USP34: variants seen among roughly 807,000 people sequenced by gnomAD.
The protein encoded by USP34 is ubiquitin carboxyl-terminal hydrolase 34.
A neutral mutation model predicts 460.3 loss-of-function variants in USP34; 70 were observed. The observed-to-expected ratio is 0.15, with a 90% confidence interval of 0.13 to 0.19. The LOEUF is 0.19. Among genes scored for constraint, USP34 ranks in the 10% least tolerant of loss-of-function variants. The pLI is 1.00. For synonymous variants in USP34, 1,647 were observed against 1,405.3 expected (o/e 1.17, Z -3.85); for missense variants, 3,985 against 4,236.2 (o/e 0.94, Z 1.65).
intron 27 of USP34, among the ~76,000 whole-genome samples, chr2:61,307,526 A>T (rs1355864848): frequency 6.6e-6 from 1 of 152,136 alleles, no homozygotes; most frequent in Non-Finnish European, 1.5e-5. Flanking sequence ...CCTTTTTAAT[A>T]AATAAGAGTT....
At chr2:61,273,411 A>C (rs1450191343) in intron 41 of USP34, among the ~76,000 whole-genome samples, 1 of 152,216 alleles carries the variant, frequency 6.6e-6, no homozygotes, top group African/African-American at 2.4e-5. Flanking sequence ...TACTGAAAAG[A>C]AATAATAATG....
chr2:61,222,531 T>C (rs1407756172), intron 65 of USP34, 88 bp downstream of exon 65: 2 of 1,049,018 alleles, frequency 1.9e-6, no homozygotes, highest in East Asian at 2.5e-5. Context: ...CCTGATAAAT[T>C]TGTTCTCGAG....
At chr2:61,346,796 C>T (rs1001579729) in intron 15 of USP34, among the ~76,000 whole-genome samples, 4 of 138,464 alleles carry the variant, frequency 2.9e-5, no homozygotes, top group African/African-American at 1.1e-4. Flanking sequence ...TGTGCCACTG[C>T]ACTCCAGCCT....
intron 5 of USP34, among the ~76,000 whole-genome samples, chr2:61,390,862 T>TG (rs756165646): frequency 1.1e-4 from 16 of 150,164 alleles, no homozygotes; most frequent in Non-Finnish European, 1.8e-4. Context: ...TCTGGGAGGC[T>TG]GAGGTGGGGG....
intron 43 of USP34, among the ~76,000 whole-genome samples, chr2:61,260,586 G>C (rs1406371020): frequency 6.6e-6 from 1 of 152,068 alleles, no homozygotes; most frequent in Admixed American, 6.6e-5. Context: ...TTGAAGTCAA[G>C]ATATGGACTA....
chr2:61,235,681 G>C (rs1371307478), intron 57 of USP34, among the ~76,000 whole-genome samples, 164 bp downstream of exon 57: 1 of 151,860 alleles, frequency 6.6e-6, no homozygotes, highest in Non-Finnish European at 1.5e-5. Context: ...TAATGGATGT[G>C]ATATATAAAT....
chr2:61,219,747 C>CT (rs1439467746), intron 67 of USP34, among the ~76,000 whole-genome samples: 2 of 151,488 alleles, frequency 1.3e-5, no homozygotes, highest in Non-Finnish European at 2.9e-5. Flanking sequence ...ACTGTAGGGC[C>CT]TTCTCAGCAA....
chr2:61,373,362 G>A (rs1046670385), intron 8 of USP34, among the ~76,000 whole-genome samples: 3 of 150,916 alleles, frequency 2.0e-5, no homozygotes, highest in Non-Finnish European at 4.4e-5. Flanking sequence ...GAGATTATAT[G>A]ACTAGTTTTT....
chr2:61,231,228 G>A (rs919984997), intron 58 of USP34, among the ~76,000 whole-genome samples: 3 of 151,952 alleles, frequency 2.0e-5, no homozygotes, highest in Non-Finnish European at 4.4e-5. Context: ...GTAGTTGTCA[G>A]GTATTGAGGA....
Position 61,380,099 on chromosome 2 carries a change from T to G in USP34, c.1014+70A>C. Reference sequence around the variant, plus strand: ...TGCCTAGTATGAAGTGCTCCATAAATAGTGGGTAGTATTATGATAGACCAG... The same window carrying G: ...TGCCTAGTATGAAGTGCTCCATAAAGAGTGGGTAGTATTATGATAGACCAG... On this transcript the variant is annotated intron_variant, in intron 7 of 79. Transcript: ENST00000398571. 4 of 1,371,522 alleles carry G rather than the reference T, an allele frequency of 2.9e-6. No individual in the cohort carries two copies. In the Admixed American group the frequency reaches 8.5e-5, roughly 29 times the overall value. The allele number at this position is 1,371,522 out of a possible 1,614,324, so 85.0% of individuals were successfully genotyped here. A position where few individuals can be genotyped will look rare whatever the true frequency, so the allele number is the denominator to read the frequency against.
chr2:61,241,381 C>T (rs116295848), intron 53 of USP34, among the ~76,000 whole-genome samples, 179 bp downstream of exon 53: 1,564 of 152,208 alleles, frequency 0.01, 29 homozygotes, highest in African/African-American at 0.036. Context: ...TCCATTTAAT[C>T]TCATTCATTT....
At chr2:61,396,988 A>G (rs1693550294) in intron 3 of USP34, among the ~76,000 whole-genome samples, 1 of 152,238 alleles carries the variant, frequency 6.6e-6, no homozygotes, top group Non-Finnish European at 1.5e-5. Flanking sequence ...ACATACAGAC[A>G]AAACACCTGT....
At chr2:61,418,991 A>C (rs1235501508) in intron 2 of USP34, among the ~76,000 whole-genome samples, 1 of 149,466 alleles carries the variant, frequency 6.7e-6, no homozygotes, top group Non-Finnish European at 1.5e-5. Context: ...ATATGTGTTT[A>C]TTAAGTCCTT....
intron 1 of USP34, among the ~76,000 whole-genome samples, chr2:61,432,744 AAAC>A (rs1470885098): frequency 1.3e-5 from 2 of 152,134 alleles, no homozygotes; most frequent in African/African-American, 4.8e-5. Context: ...GTGAAAAAAA[AAAC>A]TACCCATGAG....
In USP34 at chr2:61,281,078, G is replaced by T. The variant is rs1254766954; in HGVS notation, c.5151+12C>A. 1 of 1,611,760 alleles carries T rather than the reference G, an allele frequency of 6.2e-7. No homozygotes were observed. The highest frequency in any genetic ancestry group is 8.5e-7 in the Non-Finnish European group (1 of 1,178,806). On this transcript the variant is annotated intron_variant, in intron 38 of 79. Coordinates refer to ENST00000398571, the MANE Select transcript of USP34 (RefSeq NM_014709.4). ...AAAATAGAAACTGCTTCTAAACACA[G>T]TAAAATCTTACCCTAATAGGTTTGA...
chr2:61,223,445 TA>T, intron 62 of USP34, 149 bp from the exon 63 acceptor site: 1 of 791,130 alleles, frequency 1.3e-6, no homozygotes, highest in South Asian at 1.9e-5. Context: ...ATTTGCTTGC[TA>T]AATGTCTTTT....
intron 41 of USP34, among the ~76,000 whole-genome samples, chr2:61,275,296 T>C (rs1689338878): frequency 6.6e-6 from 1 of 151,978 alleles, no homozygotes; most frequent in Admixed American, 6.6e-5. Context: ...ATAACAATAA[T>C]ATTTTGAAGT....
At chr2:61,431,627 G>A (rs1176381085) in intron 1 of USP34, among the ~76,000 whole-genome samples, 1 of 152,116 alleles carries the variant, frequency 6.6e-6, no homozygotes, top group Non-Finnish European at 1.5e-5. Flanking sequence ...AGGCCAAGTG[G>A]GTGGAATACC....
intron 35 of USP34, among the ~76,000 whole-genome samples, chr2:61,284,332 C>T (rs1311591961): frequency 6.6e-6 from 1 of 152,050 alleles, no homozygotes; most frequent in African/African-American, 2.4e-5. Context: ...CTGAAAAGTA[C>T]TCTATAAAAT....
Sources: gnomAD v4.1 joint callset for allele counts (sites outside exome capture counted in the v4.1 genomes callset) on GRCh38, gnomAD v4.1.1 for gene constraint, MANE v1.5 for transcripts, NCBI Gene and HGNC (gene_info 2026-07-23, HGNC 2026-07-21) for gene names.